The following PASD1 variants were observed in gnomAD, a reference collection of about 807,000 sequenced individuals.
The protein encoded by PASD1 is circadian clock protein PASD1.
A neutral mutation model predicts 58.8 loss-of-function variants in PASD1; 13 were observed. The ratio of observed to expected loss-of-function variants is 0.22; its 90% CI spans 0.14 to 0.35. The LOEUF (loss-of-function observed/expected upper bound fraction) is 0.35. Among genes scored for constraint, PASD1 ranks in the 10% least tolerant of loss-of-function variants. The pLI, the probability that PASD1 is intolerant of heterozygous loss-of-function variation, is 1.00. For missense variants in PASD1, 734 were observed against 568.3 expected, an observed-to-expected ratio of 1.29 and a Z score of -2.96; for synonymous variants, 236 against 216.7, an observed-to-expected ratio of 1.09 and a Z score of -0.78.
chrX:151,674,211 C>T (rs4828636), intron 15 of PASD1, 25 bp downstream of exon 15: 10 of 1,206,662 alleles, frequency 8.3e-6, no homozygotes, highest in African/African-American at 1.7e-5. Flanking sequence ...CCTCCTTTTC[C>T]TTCCAGCGCA....
chrX:151,676,223 A>G lies in PASD1; in HGVS notation c.*80A>G. Reference sequence around the variant, plus strand: ...AGGTCTGCATGGCCAGGGGACCTTCAAGGTGCGTAAAGTCCCTTGGGGTAG... The same window carrying G: ...AGGTCTGCATGGCCAGGGGACCTTCGAGGTGCGTAAAGTCCCTTGGGGTAG... On this transcript the variant is annotated 3_prime_UTR_variant, in exon 16 of 16. Transcript: ENST00000370357. 1 of 1,023,244 alleles carries G rather than the reference A, an allele frequency of 9.8e-7. No individual in the cohort carries two copies. Among genetic ancestry groups the G allele is most frequent in the Non-Finnish European group, 1.3e-6 (1 of 750,431 alleles). The allele number at this position is 1,023,244 out of a possible 1,213,427, so 84.3% of individuals were successfully genotyped here.
intron 11 of PASD1, among the ~76,000 whole-genome samples, chrX:151,670,374 C>T (rs1330216829): frequency 4.5e-5 from 5 of 112,089 alleles, no homozygotes; most frequent in Admixed American, 9.5e-5. Flanking sequence ...GGTTTCTCCT[C>T]TACGTGTGAC....
chrX:151,639,339 C>T (rs2013970097), intron 8 of PASD1, among the ~76,000 whole-genome samples: 1 of 112,241 alleles, frequency 8.9e-6, no homozygotes, highest in African/African-American at 3.2e-5. Flanking sequence ...CACTCATTGT[C>T]TGGATTTCCC....
At chrX:151,659,382 A>G (rs1362054945) in intron 9 of PASD1, among the ~76,000 whole-genome samples, 1 of 111,715 alleles carries the variant, frequency 9.0e-6, no homozygotes, top group Non-Finnish European at 1.9e-5. Context: ...ACAGCATCCT[A>G]CTGACACCAC....
intron 8 of PASD1, among the ~76,000 whole-genome samples, chrX:151,634,086 C>T (rs1313227386): frequency 8.9e-6 from 1 of 111,784 alleles, no homozygotes; most frequent in Non-Finnish European, 1.9e-5. Flanking sequence ...TGCTTTAGCT[C>T]CATTGCCATT....
intron 1 of PASD1, among the ~76,000 whole-genome samples, chrX:151,574,775 T>C (rs753502880): frequency 2.7e-5 from 3 of 112,306 alleles, no homozygotes; most frequent in South Asian, 7.5e-4. Context: ...CCATAGAATC[T>C]GTTAAAAGAA....
chrX:151,579,045 A>C (rs1466435219), intron 1 of PASD1, among the ~76,000 whole-genome samples: 1 of 112,285 alleles, frequency 8.9e-6, no homozygotes, highest in Non-Finnish European at 1.9e-5. Flanking sequence ...AGTTTGACAA[A>C]TTAACTTTTC....
intron 13 of PASD1, 138 bp from the exon 14 acceptor site, chrX:151,672,045 T>C: frequency 1.0e-6 from 1 of 979,033 alleles, no homozygotes; most frequent in Middle Eastern, 4.0e-4. Flanking sequence ...AAGTAGACAG[T>C]CACACAGATC....
intron 8 of PASD1, among the ~76,000 whole-genome samples, chrX:151,647,817 CAT>C (rs1262188488): frequency 9.0e-6 from 1 of 110,684 alleles, no homozygotes; most frequent in Non-Finnish European, 1.9e-5. Context: ...TTTTTGAAAT[CAT>C]GTGGCATAAC....
intron 1 of PASD1, among the ~76,000 whole-genome samples, chrX:151,600,405 A>T (rs963168130): frequency 3.6e-5 from 4 of 111,109 alleles, no homozygotes; most frequent in Non-Finnish European, 7.6e-5. Context: ...TATTTGTGGA[A>T]ATTCTGTGGA....
chrX:151,623,756 T>C (rs2013748812), intron 7 of PASD1, among the ~76,000 whole-genome samples: 1 of 111,359 alleles, frequency 9.0e-6, no homozygotes, highest in African/African-American at 3.3e-5. Flanking sequence ...TCGGATAATT[T>C]GTCTTTTGAG....
At chrX:151,635,479 G>T (rs987442291) in intron 8 of PASD1, among the ~76,000 whole-genome samples, 2 of 111,859 alleles carry the variant, frequency 1.8e-5, no homozygotes, top group African/African-American at 6.5e-5. Context: ...TGATGCTTCA[G>T]ATTCTAAGCC....
At chrX:151,582,875 A>T (rs1303388639) in intron 1 of PASD1, among the ~76,000 whole-genome samples, 1 of 111,722 alleles carries the variant, frequency 9.0e-6, no homozygotes, top group Non-Finnish European at 1.9e-5. Context: ...CTTTGTCAGC[A>T]TAGTTATGAT....
intron 1 of PASD1, among the ~76,000 whole-genome samples, chrX:151,593,755 T>C (rs1206263572): frequency 9.0e-6 from 1 of 111,314 alleles, no homozygotes; most frequent in African/African-American, 3.3e-5. Flanking sequence ...TTTGGGTATA[T>C]ACCCAGTAAT....
At chrX:151,602,188 C>T (rs1031474697) in intron 2 of PASD1, among the ~76,000 whole-genome samples, 1 of 111,791 alleles carries the variant, frequency 8.9e-6, no homozygotes, top group African/African-American at 3.3e-5. Context: ...CTGTTATTTA[C>T]TGTAGTCACC....
intron 1 of PASD1, among the ~76,000 whole-genome samples, chrX:151,593,266 T>C (rs927909912): frequency 5.4e-5 from 6 of 110,690 alleles, no homozygotes; most frequent in African/African-American, 1.3e-4. Flanking sequence ...ATTATTATAC[T>C]CTAAGTTCTA....
intron 1 of PASD1, among the ~76,000 whole-genome samples, chrX:151,575,896 C>T (rs2124224621): frequency 9.0e-6 from 1 of 110,685 alleles, no homozygotes; most frequent in South Asian, 3.9e-4. Flanking sequence ...CAGAGTCTCA[C>T]CCTGTCACCC....
At chrX:151,645,264 G>A (rs1286871447) in intron 8 of PASD1, among the ~76,000 whole-genome samples, 1 of 111,695 alleles carries the variant, frequency 9.0e-6, no homozygotes, top group Non-Finnish European at 1.9e-5. Flanking sequence ...AAATTAAGTA[G>A]GGAGAGACAT....
rs147522572 is a variant in PASD1 at position 151,672,522 on chromosome X, G to A, written c.1777G>A (p.Val593Ile). The A allele has an allele frequency of 1.5e-4, 179 of 1,210,272 alleles. No homozygotes were observed. The African/African-American group carries it at 1.7e-3, about 11-fold the overall frequency. Residue 593 changes from valine (V) to isoleucine (I), a missense_variant, in exon 14 of 16, where the codon GTA (valine) becomes ATA (isoleucine). By Grantham distance (29) the Val-to-Ile change is conservative. Transcript: ENST00000370357. ...VQICLQNPRD[V>I]SVPLCNHPVR... is the part of the protein sequence containing the mutation. Reference sequence around the variant, plus strand: ...GATATGCCTGCAAAACCCACGTGACGTATCTGTGCCCCTCTGCAATCACCC... The same window carrying A: ...GATATGCCTGCAAAACCCACGTGACATATCTGTGCCCCTCTGCAATCACCC...
Sources: allele counts gnomAD v4.1 joint callset (sites outside exome capture counted in the v4.1 genomes callset), GRCh38; gene constraint gnomAD v4.1.1; transcripts MANE v1.5; gene names NCBI Gene and HGNC (gene_info 2026-07-23, HGNC 2026-07-21).